The following TENM1 variants were observed in gnomAD, a reference collection of about 807,000 sequenced individuals.
The protein encoded by TENM1 is teneurin transmembrane protein 1, also known as teneurin-1.
TENM1 carries 35 observed loss-of-function variants against 174.8 expected under a neutral mutation model. The ratio of observed to expected loss-of-function variants is 0.20; its 90% CI spans 0.15 to 0.27. The LOEUF is 0.27. Among genes scored for constraint, TENM1 ranks in the 10% least tolerant of loss-of-function variants. The pLI is 1.00. For missense variants in TENM1, 1,633 were observed against 2,130.1 expected, an observed-to-expected ratio of 0.77 and a Z score of 4.59; for synonymous variants, 781 against 798.7, an observed-to-expected ratio of 0.98 and a Z score of 0.37.
intron 3 of TENM1, among the ~76,000 whole-genome samples, chrX:124,888,463 G>A (rs1396323703): frequency 8.9e-6 from 1 of 111,931 alleles, no homozygotes; most frequent in Non-Finnish European, 1.9e-5. Context: ...GGTCTGAAGT[G>A]CCTCAGGGAA....
chrX:124,955,521 C>T (rs1033453656), intron 1 of TENM1, among the ~76,000 whole-genome samples: 1 of 111,335 alleles, frequency 9.0e-6, no homozygotes, highest in African/African-American at 3.3e-5. Flanking sequence ...ATATCAAGAC[C>T]ACTTCATTGC....
At chrX:125,156,205 T>C in the TENM1 span, among the ~76,000 whole-genome samples, 1 of 112,196 alleles carries the variant, frequency 8.9e-6, no homozygotes, top group Admixed American at 9.4e-5. Context: ...TGTGAGATCA[T>C]CTCTTTTGTA....
the TENM1 span, among the ~76,000 whole-genome samples, chrX:125,172,328 C>CCA: frequency 0.014 from 1,514 of 109,950 alleles, 32 homozygotes; most frequent in African/African-American, 0.048. Flanking sequence ...CTCACCCCCC[C>CCA]CCATTTTAAA....
intron 28 of TENM1, among the ~76,000 whole-genome samples, chrX:124,389,106 G>A (rs2060255147): frequency 9.0e-6 from 1 of 111,160 alleles, no homozygotes; most frequent in Non-Finnish European, 1.9e-5. Context: ...TTTTAATAGG[G>A]AAGAGATCAT....
the TENM1 span, among the ~76,000 whole-genome samples, chrX:125,079,763 AT>A: frequency 9.0e-6 from 1 of 111,488 alleles, no homozygotes; most frequent in East Asian, 2.8e-4. Context: ...AAAGCAAGAT[AT>A]ATTGCTCCAT....
chrX:124,832,258 T>C (rs764412496), intron 3 of TENM1, among the ~76,000 whole-genome samples: 2 of 112,531 alleles, frequency 1.8e-5, no homozygotes, highest in Non-Finnish European at 3.7e-5. Context: ...ACTGCCTGTA[T>C]GAAGGCTTTA....
At chrX:124,995,097 T>C in the TENM1 span, among the ~76,000 whole-genome samples, 3 of 110,738 alleles carry the variant, frequency 2.7e-5, no homozygotes. Flanking sequence ...CCTTTGTACA[T>C]GCTTCTCTTT....
chrX:124,734,849 A>G, intron 4 of TENM1, among the ~76,000 whole-genome samples: 1 of 112,281 alleles, frequency 8.9e-6, no homozygotes, highest in East Asian at 2.8e-4. Context: ...CATTTTTTAC[A>G]TACAAATGTC....
chrX:124,933,953 T>C (rs1025577931), intron 1 of TENM1, among the ~76,000 whole-genome samples: 2 of 112,255 alleles, frequency 1.8e-5, no homozygotes, highest in Admixed American at 1.9e-4. Context: ...CATGTTTTTA[T>C]TACAAAGAAG....
the TENM1 span, among the ~76,000 whole-genome samples, chrX:125,075,077 A>G: frequency 2.7e-5 from 3 of 111,722 alleles, no homozygotes; most frequent in South Asian, 3.7e-4. Context: ...TTTACATTGG[A>G]TATTTACACC....
chrX:124,519,331 G>C (rs1208263987), intron 18 of TENM1, among the ~76,000 whole-genome samples: 2 of 111,123 alleles, frequency 1.8e-5, no homozygotes, highest in African/African-American at 6.6e-5. Context: ...TTCCAGTAAA[G>C]TCCAACACAA....
At chrX:125,167,625 C>T in the TENM1 span, among the ~76,000 whole-genome samples, 2 of 111,281 alleles carry the variant, frequency 1.8e-5, no homozygotes. Flanking sequence ...CCTAGGGTTT[C>T]GCCCATGTTT....
chrX:125,044,202 T>TAAAAAAAAAAAA, the TENM1 span, among the ~76,000 whole-genome samples: 1 of 55,852 alleles, frequency 1.8e-5, no homozygotes, highest in African/African-American at 9.3e-5. Context: ...AGATTAAAAA[T>TAAAAAAAAAAAA]AAAAAAAAAT....
At chrX:124,906,754 AATAAT>A (rs1461226253) in intron 1 of TENM1, among the ~76,000 whole-genome samples, 1 of 112,179 alleles carries the variant, frequency 8.9e-6, no homozygotes, top group African/African-American at 3.2e-5. Context: ...TATTAATATA[AATAAT>A]ATAACGACAT....
At chrX:124,948,640 C>G (rs1743465017) in intron 1 of TENM1, among the ~76,000 whole-genome samples, 1 of 112,444 alleles carries the variant, frequency 8.9e-6, no homozygotes. Context: ...GCAACCTCCG[C>G]CTCCTGGCTT....
intron 4 of TENM1, among the ~76,000 whole-genome samples, chrX:124,736,648 CA>C (rs760739069): frequency 7.1e-4 from 80 of 112,145 alleles, no homozygotes; most frequent in African/African-American, 2.5e-3. Flanking sequence ...GCTGCAGTGA[CA>C]GCTTAGATAA....
chrX:125,191,033 C>G, the TENM1 span, among the ~76,000 whole-genome samples: 8 of 110,927 alleles, frequency 7.2e-5, no homozygotes, highest in Non-Finnish European at 1.3e-4. Flanking sequence ...ATTGCCTTGT[C>G]TAGATATATC....
At chrX:125,005,164 T>C in the TENM1 span, among the ~76,000 whole-genome samples, 1 of 99,910 alleles carries the variant, frequency 1.0e-5, no homozygotes, top group Admixed American at 1.2e-4. Flanking sequence ...ATACTAATTC[T>C]TCAGGATGCT....
intron 23 of TENM1, among the ~76,000 whole-genome samples, chrX:124,444,881 G>A (rs191062367): frequency 1.8e-5 from 2 of 111,336 alleles, no homozygotes; most frequent in East Asian, 5.7e-4. Context: ...TTGTTTTCTT[G>A]TACTAAGAGG....
Sources: allele counts gnomAD v4.1 joint callset (sites outside exome capture counted in the v4.1 genomes callset), GRCh38; gene constraint gnomAD v4.1.1; transcripts MANE v1.5; gene names NCBI Gene and HGNC (gene_info 2026-07-23, HGNC 2026-07-21).